The following TSNAXIP1 variants were observed in gnomAD, a reference collection of about 807,000 sequenced individuals.
TSNAXIP1 encodes translin associated factor X interacting protein 1.
A neutral mutation model predicts 84.8 loss-of-function variants in TSNAXIP1; 89 were observed. The observed-to-expected ratio is 1.05, with a 90% CI of 0.88 to 1.25. The LOEUF is 1.25. Ranked by LOEUF, TSNAXIP1 falls within the 50% of genes most tolerant of loss-of-function variation. The pLI, the probability that TSNAXIP1 is intolerant of heterozygous loss-of-function variation, is 0.00. For missense variants in TSNAXIP1, 874 were observed against 887.6 expected (o/e 0.98, Z 0.20); for synonymous variants, 347 against 335.2 (o/e 1.04, Z -0.39).
intron 2 of TSNAXIP1, among the ~76,000 whole-genome samples, chr16:67,814,688 C>T (rs1328915988): frequency 1.3e-5 from 2 of 152,212 alleles, no homozygotes; most frequent in African/African-American, 4.8e-5. Flanking sequence ...TCCCCAGCAG[C>T]TCAGCATTCT....
At chr16:67,825,450 G>C (rs1412812158) in intron 7 of TSNAXIP1, among the ~76,000 whole-genome samples, 178 bp downstream of exon 7, 1 of 152,172 alleles carries the variant, frequency 6.6e-6, no homozygotes, top group Non-Finnish European at 1.5e-5. Context: ...ACTGAGAATT[G>C]TAGGAACACA....
chr16:67,815,143 C>T (rs551230056), intron 2 of TSNAXIP1, among the ~76,000 whole-genome samples: 236 of 151,948 alleles, frequency 1.6e-3, no homozygotes, highest in African/African-American at 5.5e-3. Flanking sequence ...TGGCGAAACC[C>T]CATATCTACT....
intron 2 of TSNAXIP1, among the ~76,000 whole-genome samples, chr16:67,816,371 C>G (rs530706686): frequency 6.6e-6 from 1 of 152,272 alleles, no homozygotes; most frequent in African/African-American, 2.4e-5. Flanking sequence ...GGAAAAAACA[C>G]ATTTGAGTAA....
chr16:67,820,695 G>C (rs1411459861), intron 2 of TSNAXIP1, 144 bp from the exon 3 acceptor site: 4 of 553,768 alleles, frequency 7.2e-6, no homozygotes, highest in Non-Finnish European at 1.2e-5. Context: ...AGTGAGCCAA[G>C]ATCGTGCCAC....
chr16:67,821,365 T>C (rs2057039633), intron 4 of TSNAXIP1, 140 bp downstream of exon 4: 1 of 1,082,924 alleles, frequency 9.2e-7, no homozygotes, highest in East Asian at 2.9e-5. Context: ...AGGTCAGGAG[T>C]TCAAGACCAG....
chr16:67,810,977 C>CTTT (rs1386952948), intron 1 of TSNAXIP1, among the ~76,000 whole-genome samples: 4 of 149,090 alleles, frequency 2.7e-5, no homozygotes, highest in African/African-American at 1.0e-4. Context: ...GACCTCATGT[C>CTTT]TTTTGTTTTT....
At position 67,826,089 on chromosome 16, in the gene TSNAXIP1, G is replaced by A. The variant is rs199844967; in HGVS notation, c.1144+13G>A. ...ACCAAGTGCAAAGGTGAGGGCAGCC[G>A]GCAGGGCCCCAGGTCCTGCTTACAT... On this transcript the variant is annotated intron_variant, in intron 9 of 15. Coordinates refer to ENST00000561639, the MANE Select transcript of TSNAXIP1 (RefSeq NM_001288990.3). The A allele has an allele frequency of 1.6e-4, 259 of 1,613,334 alleles. No homozygotes were observed. Among genetic ancestry groups the A allele is most frequent in the East Asian group, 8.2e-4 (37 of 44,888 alleles).
chr16:67,816,531 G>A (rs1351931015), intron 2 of TSNAXIP1, among the ~76,000 whole-genome samples: 1 of 152,114 alleles, frequency 6.6e-6, no homozygotes, highest in Non-Finnish European at 1.5e-5. Flanking sequence ...GTGACTCCAG[G>A]GAGGAGAAAG....
At chr16:67,820,741 C>CAAA (rs879145775) in intron 2 of TSNAXIP1, 98 bp from the exon 3 acceptor site, 5 of 748,732 alleles carry the variant, frequency 6.7e-6, no homozygotes, top group African/African-American at 1.9e-5. Flanking sequence ...AAGACTGTCT[C>CAAA]AAAAAAAAAA....
At chr16:67,812,165 A>C (rs957247887) in intron 1 of TSNAXIP1, among the ~76,000 whole-genome samples, 2 of 150,898 alleles carry the variant, frequency 1.3e-5, no homozygotes, top group Non-Finnish European at 2.9e-5. Context: ...TAAATCACAC[A>C]CCCCCACCCC....
At chr16:67,826,388 G>A (rs757662184) in intron 10 of TSNAXIP1, 49 bp from the exon 11 acceptor site, 1 of 1,609,736 alleles carries the variant, frequency 6.2e-7, no homozygotes, top group Admixed American at 1.7e-5. Context: ...CCTGATTGGG[G>A]GTGGGGCCAC....
intron 12 of TSNAXIP1, 25 bp from the exon 13 acceptor site, chr16:67,826,938 G>A (rs1343096166): frequency 6.2e-7 from 1 of 1,613,680 alleles, no homozygotes; most frequent in Non-Finnish European, 8.5e-7. Context: ...GGAACAGCAG[G>A]TGAATAATGC....
intron 6 of TSNAXIP1, among the ~76,000 whole-genome samples, 170 bp downstream of exon 6, chr16:67,824,949 CT>C (rs2057330208): frequency 6.6e-6 from 1 of 152,220 alleles, no homozygotes; most frequent in Non-Finnish European, 1.5e-5. Context: ...AGGCTCAGTA[CT>C]TTCCCCACAG....
At chr16:67,812,647 CAG>C (rs2056194033) in intron 1 of TSNAXIP1, among the ~76,000 whole-genome samples, 1 of 147,120 alleles carries the variant, frequency 6.8e-6, no homozygotes, top group African/African-American at 2.6e-5. Context: ...GCCTGGGCAA[CAG>C]AGTCAGACTC....
chr16:67,825,022 T>C (rs1447355319), intron 6 of TSNAXIP1, 115 bp from the exon 7 acceptor site: 2 of 1,404,718 alleles, frequency 1.4e-6, no homozygotes, highest in African/African-American at 1.4e-5. Flanking sequence ...TCTTTCACCT[T>C]TCCTGTTCAC....
Position 67,817,142 on chromosome 16 carries a change from GTTTT to G in TSNAXIP1, c.147+2748_147+2751del, listed in dbSNP as rs746187058. ...CACCACACCTGGCTAATTTTTTGCG[GTTTT>G]TTTTTTGTTTTTTGTTTTTTTGAAA... On this transcript the variant is annotated intron_variant, in intron 2 of 15. Coordinates refer to ENST00000561639, the MANE Select transcript of TSNAXIP1 (RefSeq NM_001288990.3). Among the ~76,000 whole-genome samples, 8 of 141,770 alleles carry G rather than the reference GTTTT, an allele frequency of 5.6e-5. No individual in the cohort carries two copies. In the South Asian group the frequency reaches 1.8e-3, roughly 32 times the overall value. 93.0% of individuals were successfully genotyped at this position (141,770 alleles called of 152,430 possible). A position where few individuals can be genotyped will look rare whatever the true frequency, so the allele number is the denominator to read the frequency against.
intron 2 of TSNAXIP1, among the ~76,000 whole-genome samples, chr16:67,819,645 CTT>C (rs886107623): frequency 2.3e-4 from 30 of 132,446 alleles, no homozygotes; most frequent in South Asian, 2.4e-4. Flanking sequence ...TGCTTTCCCT[CTT>C]TTTTTTTTTT....
intron 7 of TSNAXIP1, 121 bp from the exon 8 acceptor site, chr16:67,825,546 C>T: frequency 7.2e-7 from 1 of 1,382,740 alleles, no homozygotes; most frequent in Non-Finnish European, 9.8e-7. Context: ...TAGCCTGAAA[C>T]CCTAGGCTGG....
chr16:67,826,158 T>TG lies in TSNAXIP1; in HGVS notation c.1153dup (p.Ala385GlyfsTer12). 15 of 1,613,102 alleles carry TG rather than the reference T, an allele frequency of 9.3e-6. No homozygotes were observed. Among genetic ancestry groups the TG allele is most frequent in the Non-Finnish European group, 1.3e-5 (15 of 1,179,340 alleles). ...TCCCTCTCCCCACATGCAGATGTGGTGGCTGGGGGCCCAGAGCGCTGGCAG... is the reference window on the plus strand; with the variant it reads ...TCCCTCTCCCCACATGCAGATGTGGTGGGCTGGGGGCCCAGAGCGCTGGCAG... On this transcript the variant is annotated frameshift_variant, in exon 10 of 16. Coordinates refer to ENST00000561639, the MANE Select transcript of TSNAXIP1 (RefSeq NM_001288990.3). LOFTEE classifies it high-confidence loss of function.
Sources: gnomAD v4.1 joint callset for allele counts (sites outside exome capture counted in the v4.1 genomes callset) on GRCh38, gnomAD v4.1.1 for gene constraint, MANE v1.5 for transcripts, NCBI Gene and HGNC (gene_info 2026-07-23, HGNC 2026-07-21) for gene names.